The following ST7 variants were observed in gnomAD, a reference collection of about 807,000 sequenced individuals.
The protein encoded by ST7 is suppressor of tumorigenicity 7 protein.
A neutral mutation model predicts 78.7 loss-of-function variants in ST7; 28 were observed. The ratio of observed to expected loss-of-function variants is 0.36; its 90% CI spans 0.26 to 0.49. ST7 has a LOEUF of 0.49. Ranked by LOEUF, ST7 falls within the 20% of genes least tolerant of loss-of-function variation. The pLI is 0.99. For synonymous variants in ST7, 247 were observed against 249.6 expected, an observed-to-expected ratio of 0.99 and a Z score of 0.10; for missense variants, 418 against 696.0, an observed-to-expected ratio of 0.60 and a Z score of 4.49.
intron 1 of ST7, among the ~76,000 whole-genome samples, chr7:117,018,073 C>T (rs971306870): frequency 6.6e-6 from 1 of 152,188 alleles, no homozygotes; most frequent in African/African-American, 2.4e-5. Context: ...CACACCCTCT[C>T]ATGTATGAGC....
chr7:117,152,118 CA>C (rs199819599), intron 9 of ST7, among the ~76,000 whole-genome samples: 9 of 119,694 alleles, frequency 7.5e-5, no homozygotes, highest in Admixed American at 2.8e-4. Context: ...GACACCATCT[CA>C]AAAAAAAATA....
chr7:117,150,142 G>A (rs1278265061), intron 9 of ST7, among the ~76,000 whole-genome samples: 4 of 152,132 alleles, frequency 2.6e-5, no homozygotes, highest in Admixed American at 6.5e-5. Context: ...TGGTTTCGTG[G>A]TTGTCTGAGG....
chr7:117,023,778 TA>T (rs1207122290), intron 1 of ST7, among the ~76,000 whole-genome samples: 1 of 1,564 alleles, frequency 6.4e-4, no homozygotes, highest in Non-Finnish European at 0.5. Flanking sequence ...TTAATTTGAT[TA>T]TATATATATA....
intron 9 of ST7, among the ~76,000 whole-genome samples, chr7:117,156,278 C>G (rs1007422421): frequency 6.6e-6 from 1 of 151,978 alleles, no homozygotes; most frequent in Admixed American, 6.6e-5. Context: ...TAAAATGAAT[C>G]GAATAGATTG....
intron 1 of ST7, among the ~76,000 whole-genome samples, chr7:117,050,050 C>CAA (rs56002625): frequency 2.8e-4 from 37 of 132,590 alleles, no homozygotes; most frequent in African/African-American, 8.7e-4. Flanking sequence ...ACTAAAAATA[C>CAA]AAAAAAAAAA....
intron 1 of ST7, chr7:116,958,505 G>A (rs1486142184): frequency 2.6e-6 from 1 of 378,560 alleles, no homozygotes; most frequent in Non-Finnish European, 5.5e-6. Context: ...GGGTCTGGTT[G>A]CAGTTTACAT....
intron 1 of ST7, among the ~76,000 whole-genome samples, chr7:117,041,996 G>C (rs1356128651): frequency 6.6e-6 from 1 of 152,188 alleles, no homozygotes; most frequent in African/African-American, 2.4e-5. Context: ...TGCCTTTGCT[G>C]GGTTTGAAGA....
chr7:117,171,034 G>A, intron 10 of ST7, 58 bp downstream of exon 10: 1 of 1,147,098 alleles, frequency 8.7e-7, no homozygotes, highest in African/African-American at 1.6e-5. Context: ...TATTTTCCCT[G>A]ATTAGATTAG....
Position 117,229,989 on chromosome 7 carries a change from T to C in ST7, c.*132T>C, listed in dbSNP as rs1476265031. The C allele has an allele frequency of 2.3e-5, 19 of 836,176 alleles. No individual in the cohort carries two copies. In the Admixed American group the frequency reaches 2.8e-4, roughly 12 times the overall value. The allele number at this position is 836,176 out of a possible 1,614,324, so 51.8% of individuals were successfully genotyped here. A position where few individuals can be genotyped will look rare whatever the true frequency, so the allele number is the denominator to read the frequency against. On this transcript the variant is annotated 3_prime_UTR_variant, in exon 16 of 16. Coordinates refer to ENST00000323984, the MANE Select transcript of ST7 (RefSeq NM_001369598.1). ...CCGAGATTTTAAAATGTTCATGGAC[T>C]ATTCCATATTAAAAGCTGTTTTTGT...
intron 1 of ST7, among the ~76,000 whole-genome samples, chr7:117,039,128 G>C (rs1406298714): frequency 1.3e-5 from 2 of 152,042 alleles, no homozygotes. Flanking sequence ...AGATGTGGCA[G>C]ACATTCTTCA....
intron 12 of ST7, among the ~76,000 whole-genome samples, chr7:117,199,594 A>G (rs1810627642): frequency 6.6e-6 from 1 of 152,188 alleles, no homozygotes; most frequent in African/African-American, 2.4e-5. Context: ...CAGCTTCTCT[A>G]GTCTCCAAAG....
At chr7:117,016,265 A>G (rs1359382745) in intron 1 of ST7, among the ~76,000 whole-genome samples, 1 of 152,182 alleles carries the variant, frequency 6.6e-6, no homozygotes, top group Non-Finnish European at 1.5e-5. Context: ...CAGGGCTCTG[A>G]AATAAAATGC....
chr7:117,092,196 G>C (rs1190842581), intron 1 of ST7, among the ~76,000 whole-genome samples: 1 of 148,102 alleles, frequency 6.8e-6, no homozygotes, highest in Non-Finnish European at 1.5e-5. Context: ...GGAGAATGGC[G>C]TGAACCCGGG....
intron 1 of ST7, among the ~76,000 whole-genome samples, chr7:116,966,589 A>G (rs1454147130): frequency 6.6e-6 from 1 of 152,210 alleles, no homozygotes; most frequent in Non-Finnish European, 1.5e-5. Flanking sequence ...CTTGGTGTTC[A>G]TAAGTGAATG....
chr7:116,972,634 A>C (rs558517590), intron 1 of ST7: 1 of 1,254,588 alleles, frequency 8.0e-7, no homozygotes, highest in South Asian at 1.2e-5. Context: ...GTTTTCAATA[A>C]ACTTCATACC....
At chr7:117,154,273 A>T (rs1806513052) in intron 9 of ST7, among the ~76,000 whole-genome samples, 1 of 152,140 alleles carries the variant, frequency 6.6e-6, no homozygotes, top group Non-Finnish European at 1.5e-5. Flanking sequence ...CTCCTCTGCA[A>T]ACCAGGAAGA....
intron 1 of ST7, among the ~76,000 whole-genome samples, chr7:117,048,094 T>C (rs1797585327): frequency 6.6e-6 from 1 of 152,146 alleles, no homozygotes; most frequent in Non-Finnish European, 1.5e-5. Flanking sequence ...ATATTTACTG[T>C]TCATTAAGTG....
At chr7:117,131,772 GA>G in intron 5 of ST7, 112 bp from the exon 6 acceptor site, 1 of 954,336 alleles carries the variant, frequency 1.0e-6, no homozygotes, top group Non-Finnish European at 1.6e-6. Context: ...TCTTAGCAAT[GA>G]AATATGTTCT....
At chr7:117,072,670 T>A (rs1799046269) in intron 1 of ST7, 1 of 152,220 alleles carries the variant, frequency 6.6e-6, no homozygotes, top group Non-Finnish European at 1.5e-5. Flanking sequence ...AGGGAGCCAC[T>A]GTGAAATCCC....
Sources: allele counts gnomAD v4.1 joint callset (sites outside exome capture counted in the v4.1 genomes callset), GRCh38; gene constraint gnomAD v4.1.1; transcripts MANE v1.5; gene names NCBI Gene and HGNC (gene_info 2026-07-23, HGNC 2026-07-21).